Variants in SPINK5 observed in about 807,000 individuals in gnomAD.
SPINK5 encodes the protein serine peptidase inhibitor Kazal type 5, also known as serine protease inhibitor Kazal-type 5.
A neutral mutation model predicts 151.8 loss-of-function variants in SPINK5; 125 were observed. That is an observed-to-expected ratio of 0.82 (90% CI 0.71 to 0.96). SPINK5 has a LOEUF of 0.96. Among genes scored for constraint, SPINK5 ranks in the 40% least tolerant of loss-of-function variants. SPINK5 has a pLI of 0.00. For synonymous variants in SPINK5, 374 were observed against 395.3 expected (o/e 0.95, Z 0.64); for missense variants, 1,194 against 1,291.9 (o/e 0.92, Z 1.16).
intron 4 of SPINK5, among the ~76,000 whole-genome samples, chr5:148,074,732 G>A (rs188639769): frequency 2.3e-3 from 356 of 151,748 alleles, no homozygotes; most frequent in Middle Eastern, 0.01. Flanking sequence ...ATTAATTGGG[G>A]TAAAATTGAC....
intron 12 of SPINK5, 94 bp downstream of exon 12, chr5:148,099,409 C>A: frequency 9.8e-7 from 1 of 1,020,310 alleles, no homozygotes; most frequent in South Asian, 1.4e-5. Flanking sequence ...GCAGAAATCC[C>A]CAGAATATCT....
intron 4 of SPINK5, among the ~76,000 whole-genome samples, chr5:148,073,143 C>G (rs959026653): frequency 6.6e-6 from 1 of 151,920 alleles, no homozygotes; most frequent in Non-Finnish European, 1.5e-5. Flanking sequence ...CACATCACCC[C>G]AGGTCTCCTA....
At chr5:148,070,547 A>C (rs575743379) in intron 3 of SPINK5, 97 bp downstream of exon 3, 124 of 1,510,388 alleles carry the variant, frequency 8.2e-5, no homozygotes, top group Admixed American at 1.2e-4. Context: ...GCATTTTTCT[A>C]AACCGAAATG....
At chr5:148,136,602 G>A (rs13185274) in intron 32 of SPINK5, among the ~76,000 whole-genome samples, 36,434 of 152,178 alleles carry the variant, frequency 0.24, 4,629 homozygotes, top group Non-Finnish European at 0.29. Context: ...AAAAACATTC[G>A]TATTACAGGA....
chr5:148,128,662 G>A (rs1279795077), intron 30 of SPINK5, among the ~76,000 whole-genome samples: 1 of 152,122 alleles, frequency 6.6e-6, no homozygotes, highest in African/African-American at 2.4e-5. Flanking sequence ...CCGAGTAGCT[G>A]GGACTACAGG....
rs2113240618 is a variant in SPINK5, at chr5:148,133,815, A to G, written c.3114A>G (p.Thr1038=). The G allele has an allele frequency of 6.2e-7, 1 of 1,614,010 alleles. No individual in the cohort carries two copies. Among genetic ancestry groups the G allele is most frequent in the Non-Finnish European group, 8.5e-7 (1 of 1,179,968 alleles). The change falls in exon 32 of 33, where the codon ACA becomes ACG. Residue 1038 remains threonine (T), a synonymous_variant. Coordinates refer to ENST00000256084, the MANE Select transcript of SPINK5 (RefSeq NM_006846.4). ...GTTTTAGGATACGCCAAACAAATAC[A>G]CACATCCGCAGTACAGGGAAGTGTG... ...CHENLIRQTN[T]HIRSTGKCEE...
intron 19 of SPINK5, among the ~76,000 whole-genome samples, chr5:148,112,177 C>A (rs1174285757): frequency 6.6e-6 from 1 of 152,184 alleles, no homozygotes; most frequent in Non-Finnish European, 1.5e-5. Context: ...GACTTCTGTT[C>A]TCTGCAAGCA....
At chr5:148,127,934 T>A (rs1033301299) in intron 30 of SPINK5, among the ~76,000 whole-genome samples, 6 of 152,080 alleles carry the variant, frequency 3.9e-5, no homozygotes, top group Non-Finnish European at 8.8e-5. Context: ...TAAGATTTAC[T>A]TTGTAGAGCC....
intron 26 of SPINK5, among the ~76,000 whole-genome samples, chr5:148,122,329 A>G (rs1421253597): frequency 6.6e-6 from 1 of 152,222 alleles, no homozygotes; most frequent in Non-Finnish European, 1.5e-5. Flanking sequence ...TAATATGTTG[A>G]TAGGTATTTA....
intron 24 of SPINK5, among the ~76,000 whole-genome samples, chr5:148,119,605 G>A (rs1487814792): frequency 6.6e-6 from 1 of 152,106 alleles, no homozygotes; most frequent in Non-Finnish European, 1.5e-5. Flanking sequence ...GTATTCCTTG[G>A]CTTGTGGCCA....
chr5:148,094,715 C>G (rs2113092313), intron 9 of SPINK5, among the ~76,000 whole-genome samples: 1 of 152,046 alleles, frequency 6.6e-6, no homozygotes, highest in South Asian at 2.1e-4. Context: ...TACAGCATAG[C>G]ACACTTCTTA....
At chr5:148,098,807 C>T (rs1753550094) in intron 11 of SPINK5, among the ~76,000 whole-genome samples, 1 of 151,912 alleles carries the variant, frequency 6.6e-6, no homozygotes, top group Admixed American at 6.6e-5. Flanking sequence ...TAGTCATATC[C>T]TGAGATGTAG....
chr5:148,114,267 TCTC>T (rs1442649271), intron 20 of SPINK5, 92 bp from the exon 21 acceptor site: 8 of 1,336,376 alleles, frequency 6.0e-6, no homozygotes, highest in Non-Finnish European at 7.9e-6. Context: ...TCATTTTCTC[TCTC>T]TTTTTTTTTT....
At chr5:148,096,742 C>CTTT (rs1753475361) in intron 10 of SPINK5, among the ~76,000 whole-genome samples, 1 of 135,852 alleles carries the variant, frequency 7.4e-6, no homozygotes, top group South Asian at 2.6e-4. Flanking sequence ...TTTTCTTTTT[C>CTTT]TTTTCTTTTC....
Position 148,101,360 on chromosome 5 carries a change from C to T in SPINK5, c.1226C>T (p.Ala409Val). Reference sequence around the variant, plus strand: ...TCTTAACCATCCTTTTTTAGCCAAGCAGAAGAAGAAGAAAAGAAAAAGAAG... The same window carrying T: ...TCTTAACCATCCTTTTTTAGCCAAGTAGAAGAAGAAGAAAAGAAAAAGAAG... ...TCSMCEVFFQAEEEEKKKKEG... is the reference protein window; with the variant it reads ...TCSMCEVFFQVEEEEKKKKEG... Residue 409 changes from alanine (A) to valine (V), a missense_variant, in exon 14 of 33, where the codon GCA becomes GTA. Transcript: ENST00000256084. 6.2e-7 allele frequency: 1 copy of T among 1,603,664 alleles called. No homozygotes were observed. The highest frequency in any genetic ancestry group is 8.5e-7 in the Non-Finnish European group (1 of 1,171,504).
intron 31 of SPINK5, among the ~76,000 whole-genome samples, chr5:148,132,345 G>A (rs1169432337): frequency 6.6e-6 from 1 of 152,054 alleles, no homozygotes; most frequent in Non-Finnish European, 1.5e-5. Context: ...CCCAGAACAT[G>A]AGGATAGGAC....
intron 8 of SPINK5, among the ~76,000 whole-genome samples, 161 bp from the exon 9 acceptor site, chr5:148,094,193 A>G (rs904199796): frequency 1.3e-5 from 2 of 151,816 alleles, no homozygotes; most frequent in African/African-American, 4.8e-5. Context: ...TTAGTTAGGA[A>G]GCTGAGGTGG....
chr5:148,103,289 C>CA (rs1401955430), intron 15 of SPINK5, among the ~76,000 whole-genome samples: 4 of 151,912 alleles, frequency 2.6e-5, no homozygotes, highest in Non-Finnish European at 5.9e-5. Flanking sequence ...AAAGCAAGAA[C>CA]AAAAAACAAA....
intron 2 of SPINK5, among the ~76,000 whole-genome samples, chr5:148,066,177 C>A (rs564360746): frequency 6.6e-6 from 1 of 152,174 alleles, no homozygotes; most frequent in East Asian, 1.9e-4. Context: ...AGCGCAGAGG[C>A]CCTGACGCAA....
Sources: allele counts gnomAD v4.1 joint callset (sites outside exome capture counted in the v4.1 genomes callset), GRCh38; gene constraint gnomAD v4.1.1; transcripts MANE v1.5; gene names NCBI Gene and HGNC (gene_info 2026-07-23, HGNC 2026-07-21).